Variants in SLC25A3 observed in about 807,000 individuals in gnomAD.
SLC25A3 encodes phosphate transport protein.
SLC25A3 carries 14 observed loss-of-function variants against 37.1 expected under a neutral mutation model. The ratio of observed to expected loss-of-function variants is 0.38; its 90% CI spans 0.25 to 0.59. The LOEUF is 0.59. Among genes scored for constraint, SLC25A3 ranks in the 20% least tolerant of loss-of-function variants. The probability of loss-of-function intolerance (pLI) is 0.67; values close to 1 mark genes in which losing one functional copy is unlikely to be tolerated. For synonymous variants in SLC25A3, 161 were observed against 168.7 expected, an observed-to-expected ratio of 0.95 and a Z score of 0.36; for missense variants, 385 against 458.1, an observed-to-expected ratio of 0.84 and a Z score of 1.46.
In SLC25A3 at chr12:98,594,105, C is replaced by G; in HGVS notation, c.127C>G (p.Pro43Ala). ...SPGPTGQPRR[P>A]RNLAAAAVEE... Reference sequence around the variant, plus strand: ...AGGGCCCACGGGCCAGCCCCGCCGCCCTCGCAACCTGGCAGCCGCCGCCGT... The same window carrying G: ...AGGGCCCACGGGCCAGCCCCGCCGCGCTCGCAACCTGGCAGCCGCCGCCGT... Residue 43 changes from proline to alanine, a missense_variant, in exon 2 of 8, where the codon CCT becomes GCT. Physicochemically the swap from Pro to Ala is conservative, Grantham distance 27 (BLOSUM62 -1). This residue lies in a region of SLC25A3 where 109 missense variants were observed against 90.5 expected (regional missense o/e 1.20). Coordinates refer to ENST00000552981, the MANE Select transcript of SLC25A3 (RefSeq NM_002635.4). 4 of 1,611,914 alleles carry G rather than the reference C, an allele frequency of 2.5e-6. No homozygotes were observed. Among genetic ancestry groups the G allele is most frequent in the Non-Finnish European group, 3.4e-6 (4 of 1,179,344 alleles).
rs181791005 is a variant in SLC25A3 at position 98,598,931 on chromosome 12, G to A, written c.641+228G>A. Among the ~76,000 whole-genome samples the A allele has an allele frequency of 0.015, 2,196 of 151,256 alleles. 32 individuals carry two copies. Among genetic ancestry groups the A allele is most frequent in the Non-Finnish European group, 0.021 (1,398 of 67,820 alleles). On this transcript the variant is annotated intron_variant, in intron 5 of 7. Coordinates refer to ENST00000552981, the MANE Select transcript of SLC25A3 (RefSeq NM_002635.4). ...GCTGGGACTACAGGCGCCTGCCACT[G>A]CGCCCAGCTAATTTTTTGTATTTTT... is the stretch of plus-strand genomic sequence containing the variant.
chr12:98,594,333 G>A (rs1321489421), intron 2 of SLC25A3, 198 bp downstream of exon 2: 2 of 704,586 alleles, frequency 2.8e-6, no homozygotes, highest in African/African-American at 3.5e-5. Flanking sequence ...TCCCTCAAGG[G>A]CGTGGAAGCG....
In SLC25A3 at chr12:98,604,498, T is replaced by C. The variant is rs2097600170; in HGVS notation, c.*2970T>C. ...GAAAGTTTTATGAAATGTTTTGACT[T>C]TTTTTTTTTTTTCCCTAGAGAACAG... On this transcript the variant is annotated 3_prime_UTR_variant, in exon 8 of 8. Transcript: ENST00000552981. 1 of 56,722 alleles carries C rather than the reference T, an allele frequency of 1.8e-5. No individual in the cohort carries two copies. The highest frequency in any genetic ancestry group is 3.2e-5 in the Non-Finnish European group (1 of 31,132). 3.5% of individuals were successfully genotyped at this position (56,722 alleles called of 1,614,324 possible). A position where few individuals can be genotyped will look rare whatever the true frequency, so the allele number is the denominator to read the frequency against.
intron 5 of SLC25A3, among the ~76,000 whole-genome samples, chr12:98,599,429 G>A (rs2097595836): frequency 1.3e-5 from 2 of 151,486 alleles, no homozygotes; most frequent in Admixed American, 1.3e-4. Flanking sequence ...CTATTTACCT[G>A]TATGTAGAAC....
rs987039880 is a variant in SLC25A3, at chr12:98,603,771, G to A, written c.*2243G>A. ...TTACGGTTCAAAGCTATTTCTGAGA[G>A]AAAGCCACTTCATCCTCAAAACCCA... On this transcript the variant is annotated 3_prime_UTR_variant, in exon 8 of 8. Coordinates refer to ENST00000552981, the MANE Select transcript of SLC25A3 (RefSeq NM_002635.4). 18 of 152,178 alleles carry A rather than the reference G, an allele frequency of 1.2e-4. No individual in the cohort carries two copies. The highest frequency in any genetic ancestry group is 1.0e-3 in the Admixed American group (16 of 15,272). The allele number at this position is 152,178 out of a possible 1,614,324, so 9.4% of individuals were successfully genotyped here. A position where few individuals can be genotyped will look rare whatever the true frequency, so the allele number is the denominator to read the frequency against.
intron 6 of SLC25A3, 51 bp downstream of exon 6, chr12:98,600,178 T>G (rs1180458412): frequency 7.9e-7 from 1 of 1,270,922 alleles, no homozygotes; most frequent in Non-Finnish European, 1.2e-6. Context: ...AAATAATCAT[T>G]TCCATTATTG....
chr12:98,595,334 G>C (rs1194224452), intron 2 of SLC25A3: 1 of 1,319,074 alleles, frequency 7.6e-7, no homozygotes, highest in African/African-American at 1.4e-5. Context: ...ATTCAGCTGT[G>C]ATAATAGTAT....
intron 5 of SLC25A3, chr12:98,599,492 G>T: frequency 3.4e-6 from 1 of 292,042 alleles, no homozygotes; most frequent in South Asian, 3.3e-5. Context: ...CCTGGACTGA[G>T]TTTTTTTTTT....
Position 98,598,829 on chromosome 12 carries a change from G to A in SLC25A3, c.641+126G>A, listed in dbSNP as rs936862639. On this transcript the variant is annotated intron_variant, in intron 5 of 7. Coordinates refer to ENST00000552981, the MANE Select transcript of SLC25A3 (RefSeq NM_002635.4). ...CTCGCTCTGTCACCCAGGCTGGAGT[G>A]CAGTGGCGTGATCTCGGCTCACTGC... 156 of 866,702 alleles carry A rather than the reference G, an allele frequency of 1.8e-4. No individual in the cohort carries two copies. In the African/African-American group the frequency reaches 2.3e-3, roughly 13 times the overall value. The allele number at this position is 866,702 out of a possible 1,614,324, so 53.7% of individuals were successfully genotyped here.
rs1269521679 is a variant in SLC25A3 at position 98,603,873 on chromosome 12, TA to T, written c.*2347del. The T allele has an allele frequency of 6.6e-6, 1 of 152,104 alleles. No homozygotes were observed. The highest frequency in any genetic ancestry group is 1.5e-5 in the Non-Finnish European group (1 of 68,038). The allele number at this position is 152,104 out of a possible 1,614,324, so 9.4% of individuals were successfully genotyped here. Reference sequence around the variant, plus strand: ...CTAAAAGATTCTAGTAAGAAAATTTTAATATGTATGTATTGGTGTTCTTTTT... The same window carrying T: ...CTAAAAGATTCTAGTAAGAAAATTTTATATGTATGTATTGGTGTTCTTTTT... On this transcript the variant is annotated 3_prime_UTR_variant, in exon 8 of 8. Transcript: ENST00000552981.
intron 5 of SLC25A3, 96 bp downstream of exon 5, chr12:98,598,799 A>C: frequency 8.4e-7 from 1 of 1,191,476 alleles, no homozygotes; most frequent in Admixed American, 2.2e-5. Flanking sequence ...TTTTTGAGAC[A>C]AAGTCTCGCT....
At chr12:98,595,093 C>T (rs1376215533) in intron 2 of SLC25A3, 1 of 300,472 alleles carries the variant, frequency 3.3e-6, no homozygotes, top group Non-Finnish European at 6.4e-6. Flanking sequence ...TTTTACATGT[C>T]GAGTGATCTT....
In SLC25A3 at chr12:98,595,593, C is replaced by T. The variant is rs748459188; in HGVS notation, c.158-134C>T. On this transcript the variant is annotated intron_variant, in intron 2 of 7. Coordinates refer to ENST00000552981, the MANE Select transcript of SLC25A3 (RefSeq NM_002635.4). ...CATGCTGGACTAGAGCATATTGAAG[C>T]ATGACTGACTGTTAAGTTATAAGAT... The T allele has an allele frequency of 4.3e-6, 7 of 1,613,212 alleles. No individual in the cohort carries two copies. The Admixed American group carries it at 1.2e-4, about 27-fold the overall frequency.
rs2097600111 is a variant in SLC25A3, at chr12:98,604,386, G to C, written c.*2858G>C. The C allele has an allele frequency of 6.6e-6, 1 of 151,596 alleles. No individual in the cohort carries two copies. The highest frequency in any genetic ancestry group is 2.1e-4 in the South Asian group (1 of 4,828). The allele number at this position is 151,596 out of a possible 1,614,324, so 9.4% of individuals were successfully genotyped here. On this transcript the variant is annotated 3_prime_UTR_variant, in exon 8 of 8. Coordinates refer to ENST00000552981, the MANE Select transcript of SLC25A3 (RefSeq NM_002635.4). ...TTTTGAGAGTGGTTAAAACGCCAAG[G>C]AATCCTGATTTTATGAAATTATGCC...
At chr12:98,594,372 C>G in intron 2 of SLC25A3, 1 of 701,464 alleles carries the variant, frequency 1.4e-6, no homozygotes, top group Admixed American at 2.0e-5. Flanking sequence ...TCGTGACCTC[C>G]GTGTGCCCGA....
Position 98,601,978 on chromosome 12 carries a change from G to A in SLC25A3, c.*450G>A, listed in dbSNP as rs2097598281. ...TAGTCATTTGTGGTTATTTTGGCAAGTAAATGTCAGTGTATACTTACATTT... is the reference window on the plus strand; with the variant it reads ...TAGTCATTTGTGGTTATTTTGGCAAATAAATGTCAGTGTATACTTACATTT... On this transcript the variant is annotated 3_prime_UTR_variant, in exon 8 of 8. Coordinates refer to ENST00000552981, the MANE Select transcript of SLC25A3 (RefSeq NM_002635.4). The A allele has an allele frequency of 5.0e-6, 1 of 198,090 alleles. No homozygotes were observed. Among genetic ancestry groups the A allele is most frequent in the African/African-American group, 2.4e-5 (1 of 41,906 alleles). The allele number at this position is 198,090 out of a possible 1,614,324, so 12.3% of individuals were successfully genotyped here.
At chr12:98,596,865 A>G (rs1417744132) in intron 3 of SLC25A3, among the ~76,000 whole-genome samples, 1 of 152,144 alleles carries the variant, frequency 6.6e-6, no homozygotes, top group Non-Finnish European at 1.5e-5. Flanking sequence ...TGCTAAAAAT[A>G]CAAAAATTAG....
intron 5 of SLC25A3, among the ~76,000 whole-genome samples, chr12:98,599,079 G>C (rs1271093321): frequency 2.4e-5 from 3 of 123,258 alleles, no homozygotes; most frequent in African/African-American, 9.2e-5. Flanking sequence ...TTTTTTCTTT[G>C]AGACGGAGTT....
chr12:98,598,444 T>TG, intron 4 of SLC25A3, 78 bp from the exon 5 acceptor site: 1 of 1,608,306 alleles, frequency 6.2e-7, no homozygotes, highest in Non-Finnish European at 8.5e-7. Context: ...GAAGCTTAGT[T>TG]GTTTTCTAGA....
Sources: gnomAD v4.1 joint callset for allele counts (sites outside exome capture counted in the v4.1 genomes callset) on GRCh38, gnomAD v4.1.1 for gene constraint, gnomAD v4.1.1 regional missense constraint, MANE v1.5 for transcripts, NCBI Gene and HGNC (gene_info 2026-07-23, HGNC 2026-07-21) for gene names.